SMIM35: variants seen among roughly 807,000 people sequenced by gnomAD.
The protein encoded by SMIM35 is TMPRSS4 antisense RNA 1 (non-protein coding).
intron 1 of SMIM35, among the ~76,000 whole-genome samples, chr11:118,047,143 T>A (rs1944110006): frequency 6.6e-6 from 1 of 152,102 alleles, no homozygotes; most frequent in African/African-American, 2.4e-5. Context: ...GCGGTGACCT[T>A]GGGAGAAATG....
chr11:118,033,828 C>G (rs1426884145), intron 1 of SMIM35, among the ~76,000 whole-genome samples: 1 of 152,152 alleles, frequency 6.6e-6, no homozygotes, highest in Non-Finnish European at 1.5e-5. Flanking sequence ...GGTGCTTGTG[C>G]CAAACAGATG....
intron 1 of SMIM35, among the ~76,000 whole-genome samples, chr11:118,019,706 T>A (rs1478444038): frequency 6.6e-6 from 1 of 152,122 alleles, no homozygotes; most frequent in African/African-American, 2.4e-5. Flanking sequence ...TTTCTAGAAG[T>A]TTTAACGTTT....
rs1282436876 is a variant in SMIM35, at chr11:118,023,846, A to G, written c.8-8037T>C. On this transcript the variant is annotated intron_variant, in intron 1 of 4. Transcript: ENST00000689828. ...TCAGGAGTTCCAGACGAGCCTGGCCAAAATAGTGAAACACCATCTCTACCA... is the reference window on the plus strand; with the variant it reads ...TCAGGAGTTCCAGACGAGCCTGGCCGAAATAGTGAAACACCATCTCTACCA... 1.3e-5 allele frequency among the ~76,000 whole-genome samples: 2 copies of G among 152,114 alleles called. 1 individual carries two copies. Among genetic ancestry groups the G allele is most frequent in the African/African-American group, 4.8e-5 (2 of 41,404 alleles).
chr11:118,043,278 AT>A (rs35669917), intron 1 of SMIM35, among the ~76,000 whole-genome samples: 99,375 of 149,968 alleles, frequency 0.66, 33,156 homozygotes, highest in Non-Finnish European at 0.72. Flanking sequence ...TTGGTAAAAC[AT>A]TTTTTTTTTT....
Position 118,060,633 on chromosome 11 carries a change from C to T in SMIM35, c.7+26118G>A, listed in dbSNP as rs921420102. Among the ~76,000 whole-genome samples, 4 of 152,070 alleles carry T rather than the reference C, an allele frequency of 2.6e-5. 1 individual carries two copies. Among genetic ancestry groups the T allele is most frequent in the African/African-American group, 9.7e-5 (4 of 41,400 alleles). On this transcript the variant is annotated intron_variant, in intron 1 of 4. Transcript: ENST00000689828. The stretch of plus-strand genomic sequence containing the variant: ...GCTTAGCATCCTGTGTTCCTCTGGA[C>T]CCCCGGGGGTCTGGGAGAGCAACTG...
At chr11:118,070,980 T>C (rs1944562549) in intron 1 of SMIM35, among the ~76,000 whole-genome samples, 1 of 152,130 alleles carries the variant, frequency 6.6e-6, no homozygotes, top group Admixed American at 6.5e-5. Flanking sequence ...TACTCCCTTG[T>C]GAAATGGAGG....
At chr11:118,061,048 C>T (rs141258268) in intron 1 of SMIM35, among the ~76,000 whole-genome samples, 1 of 152,232 alleles carries the variant, frequency 6.6e-6, no homozygotes. Context: ...AGAGGCACCG[C>T]TTCTGCTGAG....
At chr11:118,042,713 T>C (rs1944025588) in intron 1 of SMIM35, among the ~76,000 whole-genome samples, 1 of 152,086 alleles carries the variant, frequency 6.6e-6, no homozygotes, top group African/African-American at 2.4e-5. Context: ...TCCTCAACAA[T>C]TAGGAATGAT....
intron 3 of SMIM35, among the ~76,000 whole-genome samples, 179 bp from the exon 4 acceptor site, chr11:118,014,059 G>A (rs1408739762): frequency 1.3e-5 from 2 of 152,184 alleles, no homozygotes; most frequent in South Asian, 4.1e-4. Flanking sequence ...GTGGCAAGTA[G>A]ATGAGATGAC....
intron 1 of SMIM35, among the ~76,000 whole-genome samples, chr11:118,032,174 A>T (rs1171475432): frequency 2.0e-5 from 3 of 152,242 alleles, no homozygotes; most frequent in African/African-American, 7.2e-5. Flanking sequence ...AAAAGACATG[A>T]CAACTAAATG....
At chr11:118,062,440 T>C (rs1421915992) in intron 1 of SMIM35, among the ~76,000 whole-genome samples, 1 of 152,216 alleles carries the variant, frequency 6.6e-6, no homozygotes, top group Non-Finnish European at 1.5e-5. Flanking sequence ...CCAGCTCCTC[T>C]CCAGGCCCTG....
intron 1 of SMIM35, among the ~76,000 whole-genome samples, chr11:118,039,453 T>C (rs745792936): frequency 6.6e-6 from 1 of 152,086 alleles, no homozygotes; most frequent in East Asian, 1.9e-4. Context: ...CTCACTCCTG[T>C]AATCCCAGCA....
intron 1 of SMIM35, among the ~76,000 whole-genome samples, chr11:118,040,369 T>C (rs758258638): frequency 4.6e-5 from 7 of 152,140 alleles, no homozygotes; most frequent in Non-Finnish European, 1.0e-4. Flanking sequence ...AGAAAAACAA[T>C]GCATTGGGAA....
intron 4 of SMIM35, among the ~76,000 whole-genome samples, chr11:118,011,877 A>G (rs997072972): frequency 2.4e-4 from 37 of 152,028 alleles, no homozygotes; most frequent in Non-Finnish European, 1.5e-5. Flanking sequence ...CCTCACTCCC[A>G]CTTACTCAGG....
chr11:118,055,797 A>G (rs1944301308), intron 1 of SMIM35, among the ~76,000 whole-genome samples: 1 of 152,152 alleles, frequency 6.6e-6, no homozygotes, highest in Non-Finnish European at 1.5e-5. Context: ...AATGGGAGAA[A>G]GAGCTGCAGA....
At chr11:118,057,113 G>A (rs1944326382) in intron 1 of SMIM35, among the ~76,000 whole-genome samples, 1 of 152,232 alleles carries the variant, frequency 6.6e-6, no homozygotes, top group South Asian at 2.1e-4. Flanking sequence ...GAAGGGAGAT[G>A]TGGGCATAGC....
chr11:118,065,431 A>G (rs671567), intron 1 of SMIM35, among the ~76,000 whole-genome samples: 115,248 of 152,154 alleles, frequency 0.76, 43,826 homozygotes, highest in Admixed American at 0.81. Context: ...GCCAATTCAT[A>G]CTGACTTCCT....
chr11:118,040,542 C>T (rs1943984315), intron 1 of SMIM35, among the ~76,000 whole-genome samples: 1 of 152,124 alleles, frequency 6.6e-6, no homozygotes, highest in Admixed American at 6.5e-5. Flanking sequence ...CCCAGATAAA[C>T]AAATGCTGAT....
Position 118,053,411 on chromosome 11 carries a change from T to A in SMIM35, c.7+33340A>T, listed in dbSNP as rs185934559. Among the ~76,000 whole-genome samples, 5 of 151,736 alleles carry A rather than the reference T, an allele frequency of 3.3e-5. No individual in the cohort carries two copies. The East Asian group carries it at 9.7e-4, about 29-fold the overall frequency. Reference sequence around the variant, plus strand: ...GGCAAATGTTCCTTGAATAAATGAATTAACTGATGGCCTCAGCCAGGGACA... The same window carrying A: ...GGCAAATGTTCCTTGAATAAATGAAATAACTGATGGCCTCAGCCAGGGACA... On this transcript the variant is annotated intron_variant, in intron 1 of 4. Transcript: ENST00000689828.
Sources: allele counts gnomAD v4.1 joint callset (sites outside exome capture counted in the v4.1 genomes callset), GRCh38; gene constraint gnomAD v4.1.1; transcripts MANE v1.5; gene names NCBI Gene and HGNC (gene_info 2026-07-23, HGNC 2026-07-21).